Variants in SYNDIG1 observed in about 807,000 individuals in gnomAD.
SYNDIG1 encodes the protein synapse differentiation inducing 1.
A neutral mutation model predicts 19.4 loss-of-function variants in SYNDIG1; 9 were observed. The ratio of observed to expected loss-of-function variants is 0.46; its 90% CI spans 0.28 to 0.81. The LOEUF is 0.81. Ranked by LOEUF, SYNDIG1 falls within the 30% of genes least tolerant of loss-of-function variation. SYNDIG1 has a pLI of 0.12. For synonymous variants in SYNDIG1, 141 were observed against 145.9 expected (o/e 0.97, Z 0.24); for missense variants, 311 against 343.3 (o/e 0.91, Z 0.74).
chr20:24,481,128 T>C, intron 1 of SYNDIG1, among the ~76,000 whole-genome samples: 1 of 152,322 alleles, frequency 6.6e-6, no homozygotes, highest in South Asian at 2.1e-4. Flanking sequence ...GTGTGTTTTT[T>C]GCCACAATAA....
chr20:24,629,228 T>A (rs2147282418), intron 3 of SYNDIG1, among the ~76,000 whole-genome samples: 1 of 152,262 alleles, frequency 6.6e-6, no homozygotes, highest in South Asian at 2.1e-4. Flanking sequence ...GACGTGGACA[T>A]GTCGGCTCCC....
At chr20:24,515,061 T>A (rs2056832657) in intron 1 of SYNDIG1, among the ~76,000 whole-genome samples, 1 of 152,204 alleles carries the variant, frequency 6.6e-6, no homozygotes, top group South Asian at 2.1e-4. Context: ...GAAATAAAGA[T>A]GTTCTTTGAA....
rs2059642244 is a variant in SYNDIG1 at position 24,665,762 on chromosome 20, T to C, written c.*258T>C. On this transcript the variant is annotated 3_prime_UTR_variant, in exon 4 of 4. Coordinates refer to ENST00000376862, the MANE Select transcript of SYNDIG1 (RefSeq NM_024893.3). The stretch of plus-strand genomic sequence containing the variant: ...AGATCCCAGCCCGCAAGGCTGTCTC[T>C]GGATGGATTCTGGTGGATGAATGGC... The C allele has an allele frequency of 4.0e-6, 2 of 493,948 alleles. No homozygotes were observed. Among genetic ancestry groups the C allele is most frequent in the Non-Finnish European group, 6.9e-6 (2 of 291,160 alleles). The allele number at this position is 493,948 out of a possible 1,614,324, so 30.6% of individuals were successfully genotyped here. A position where few individuals can be genotyped will look rare whatever the true frequency, so the allele number is the denominator to read the frequency against.
chr20:24,535,454 G>A (rs551836485), intron 1 of SYNDIG1, among the ~76,000 whole-genome samples: 13 of 152,244 alleles, frequency 8.5e-5, no homozygotes, highest in East Asian at 5.8e-4. Flanking sequence ...CAAGATAGAC[G>A]GGCTTTTAAA....
intron 3 of SYNDIG1, among the ~76,000 whole-genome samples, chr20:24,608,963 A>T (rs866647639): frequency 9.9e-5 from 15 of 152,220 alleles, no homozygotes; most frequent in Non-Finnish European, 2.2e-4. Context: ...TGCAAGCCAA[A>T]CCTACAGATT....
At chr20:24,489,245 C>A (rs1467617779) in intron 1 of SYNDIG1, among the ~76,000 whole-genome samples, 1 of 152,196 alleles carries the variant, frequency 6.6e-6, no homozygotes, top group African/African-American at 2.4e-5. Context: ...TACATGCACA[C>A]ACACAGACAC....
chr20:24,514,961 A>G (rs951714724), intron 1 of SYNDIG1, among the ~76,000 whole-genome samples: 11 of 152,228 alleles, frequency 7.2e-5, no homozygotes, highest in African/African-American at 2.4e-4. Context: ...AGAACTCAGG[A>G]TTAAGAAACT....
chr20:24,569,687 C>A (rs564139199), intron 2 of SYNDIG1, among the ~76,000 whole-genome samples: 3 of 152,116 alleles, frequency 2.0e-5, no homozygotes, highest in Admixed American at 2.0e-4. Flanking sequence ...GTAAAGTTTA[C>A]CCCAGAAAAA....
intron 1 of SYNDIG1, among the ~76,000 whole-genome samples, chr20:24,498,622 G>A (rs1372536685): frequency 4.6e-5 from 7 of 152,124 alleles, no homozygotes; most frequent in Non-Finnish European, 8.8e-5. Context: ...GTGTGTAACC[G>A]TGTTCCACTT....
At chr20:24,630,130 G>A (rs2059217650) in intron 3 of SYNDIG1, among the ~76,000 whole-genome samples, 1 of 152,196 alleles carries the variant, frequency 6.6e-6, no homozygotes, top group African/African-American at 2.4e-5. Context: ...GACCTGAATA[G>A]TTAATTCACA....
chr20:24,587,673 C>T (rs1178010346), intron 3 of SYNDIG1, among the ~76,000 whole-genome samples: 1 of 152,222 alleles, frequency 6.6e-6, no homozygotes. Context: ...AAGCCCAGGA[C>T]TGGAGAGGGG....
chr20:24,645,160 A>T (rs893276042), intron 3 of SYNDIG1, among the ~76,000 whole-genome samples: 4 of 152,220 alleles, frequency 2.6e-5, no homozygotes, highest in Admixed American at 6.5e-5. Flanking sequence ...CAAATGAATG[A>T]TGTGGCGGTG....
intron 3 of SYNDIG1, among the ~76,000 whole-genome samples, chr20:24,638,319 T>A (rs2059336327): frequency 1.3e-5 from 2 of 152,156 alleles, no homozygotes; most frequent in South Asian, 2.1e-4. Flanking sequence ...AACAGCAATG[T>A]GGTATAAGGT....
At chr20:24,477,903 T>A (rs1005199579) in intron 1 of SYNDIG1, among the ~76,000 whole-genome samples, 1 of 152,158 alleles carries the variant, frequency 6.6e-6, no homozygotes, top group Non-Finnish European at 1.5e-5. Context: ...TACTCCAAAC[T>A]CCAGGTGTTT....
intron 1 of SYNDIG1, among the ~76,000 whole-genome samples, chr20:24,497,598 A>G (rs757560525): frequency 3.1e-4 from 47 of 152,328 alleles, no homozygotes; most frequent in Middle Eastern, 3.4e-3. Context: ...CTAGTCTTCT[A>G]TGTGCACTGT....
At chr20:24,631,723 C>A (rs555976980) in intron 3 of SYNDIG1, among the ~76,000 whole-genome samples, 2 of 152,184 alleles carry the variant, frequency 1.3e-5, no homozygotes, top group East Asian at 1.9e-4. Flanking sequence ...GCTGAGAGGA[C>A]CTTTCTTGAT....
intron 3 of SYNDIG1, among the ~76,000 whole-genome samples, chr20:24,628,792 A>G (rs1270283038): frequency 3.3e-5 from 5 of 152,024 alleles, no homozygotes; most frequent in African/African-American, 1.2e-4. Context: ...CTCTGTCACC[A>G]TTATCCGGAG....
chr20:24,655,791 A>G (rs79747965), intron 3 of SYNDIG1, among the ~76,000 whole-genome samples: 1 of 144,660 alleles, frequency 6.9e-6, no homozygotes, highest in Non-Finnish European at 1.5e-5. Flanking sequence ...AAAAAAAAAA[A>G]GACTAGAATG....
In SYNDIG1 at chr20:24,658,770, C is replaced by T. The variant is rs1475461186; in HGVS notation, c.619-6576C>T. ...AGGCGTTCACCACAGGCTCTTCTCC[C>T]AGCGGGGTCGTCTGCCTCGTTTTCT... On this transcript the variant is annotated intron_variant, in intron 3 of 3. Transcript: ENST00000376862. The surrounding 1 kb of genome is among the most constrained non-coding windows in gnomAD (Gnocchi z 4.4). Among the ~76,000 whole-genome samples, 1 of 152,150 alleles carries T rather than the reference C, an allele frequency of 6.6e-6. No homozygotes were observed. The highest frequency in any genetic ancestry group is 1.5e-5 in the Non-Finnish European group (1 of 68,030).
Sources: allele counts gnomAD v4.1 joint callset (sites outside exome capture counted in the v4.1 genomes callset), GRCh38; gene constraint gnomAD v4.1.1; non-coding constraint Gnocchi (gnomAD v3.1); transcripts MANE v1.5; gene names NCBI Gene and HGNC (gene_info 2026-07-23, HGNC 2026-07-21).